GLI2: variants seen among roughly 807,000 people sequenced by gnomAD.
GLI2 encodes the protein transcription activator GLI2.
In GLI2, 22 loss-of-function variants were observed where a neutral mutation model predicts 78.9. The ratio of observed to expected loss-of-function variants is 0.28; its 90% CI spans 0.20 to 0.40. The LOEUF (loss-of-function observed/expected upper bound fraction) is 0.40. Among genes scored for constraint, GLI2 ranks in the 10% least tolerant of loss-of-function variants. The pLI is 1.00. For synonymous variants in GLI2, 974 were observed against 963.7 expected (o/e 1.01, Z -0.20); for missense variants, 2,097 against 2,213.2 (o/e 0.95, Z 1.05).
chr2:120,923,380 A>G (rs971450986), intron 2 of GLI2, among the ~76,000 whole-genome samples: 5 of 152,126 alleles, frequency 3.3e-5, no homozygotes, highest in African/African-American at 1.2e-4. Context: ...GCATATACAC[A>G]CAGCAACACA....
intron 12 of GLI2, 122 bp downstream of exon 12, chr2:120,984,865 C>T (rs1682898917): frequency 1.0e-6 from 1 of 994,068 alleles, no homozygotes; most frequent in East Asian, 2.6e-5. Context: ...CGATATCCCT[C>T]CTCTCTCCAA....
intron 1 of GLI2, among the ~76,000 whole-genome samples, chr2:120,740,228 A>C (rs964394680): frequency 2.6e-5 from 4 of 152,364 alleles, no homozygotes; most frequent in African/African-American, 9.6e-5. Context: ...CTTTCTGTGC[A>C]TTTAATATCT....
At chr2:120,940,764 T>C (rs1045925210) in intron 3 of GLI2, among the ~76,000 whole-genome samples, 2 of 152,264 alleles carry the variant, frequency 1.3e-5, no homozygotes, top group Non-Finnish European at 2.9e-5. Flanking sequence ...CACCATGGCT[T>C]CATGGGCACT....
At chr2:120,875,655 T>C (rs999340973) in intron 2 of GLI2, among the ~76,000 whole-genome samples, 1 of 152,214 alleles carries the variant, frequency 6.6e-6, no homozygotes, top group African/African-American at 2.4e-5. Context: ...AGGACACCCT[T>C]GCGTGTGTTA....
intron 2 of GLI2, among the ~76,000 whole-genome samples, chr2:120,925,169 G>T (rs1185593262): frequency 6.6e-6 from 1 of 152,234 alleles, no homozygotes; most frequent in Non-Finnish European, 1.5e-5. Flanking sequence ...GCACTTGGTG[G>T]CTCTGGAAGT....
chr2:120,878,321 A>G (rs1204472846), intron 2 of GLI2, among the ~76,000 whole-genome samples: 1 of 152,256 alleles, frequency 6.6e-6, no homozygotes, highest in Non-Finnish European at 1.5e-5. Context: ...TAATGGCTCT[A>G]ACTGAGGAAG....
At chr2:120,786,595 G>A (rs1456538908) in intron 1 of GLI2, among the ~76,000 whole-genome samples, 1 of 152,174 alleles carries the variant, frequency 6.6e-6, no homozygotes, top group East Asian at 1.9e-4. Flanking sequence ...GAGCTCAGCA[G>A]GTACCCAGTT....
intron 1 of GLI2, among the ~76,000 whole-genome samples, chr2:120,748,513 G>A (rs1442636926): frequency 6.6e-6 from 1 of 152,184 alleles, no homozygotes; most frequent in Non-Finnish European, 1.5e-5. Context: ...CATTTCTGGG[G>A]CCTCTGGTAT....
chr2:120,837,595 T>G (rs1392859242), intron 2 of GLI2, among the ~76,000 whole-genome samples: 1 of 152,180 alleles, frequency 6.6e-6, no homozygotes, highest in Non-Finnish European at 1.5e-5. Context: ...CTTGAGGTCA[T>G]ACGGCTATTC....
chr2:120,914,066 G>T (rs955808950), intron 2 of GLI2, among the ~76,000 whole-genome samples: 1 of 152,248 alleles, frequency 6.6e-6, no homozygotes, highest in East Asian at 1.9e-4. Flanking sequence ...ACACCTTCAC[G>T]ACCCGTGGGG....
rs140503048 is a variant in GLI2 at position 120,737,888 on chromosome 2, G to T, written c.-31+1603G>T. The stretch of plus-strand genomic sequence containing the variant: ...AAATCCAAAATATACAGCGGGGAAA[G>T]CGGAGGAATAGGCGGGTTTGTCACA... On this transcript the variant is annotated intron_variant, in intron 1 of 13. Transcript: ENST00000361492. This position sits in a 1 kb window ranked among gnomAD's most constrained non-coding sequence, Gnocchi z 4.3. Among the ~76,000 whole-genome samples the T allele has an allele frequency of 6.6e-5, 10 of 152,372 alleles. No individual in the cohort carries two copies. Among genetic ancestry groups the T allele is most frequent in the African/African-American group, 1.2e-4 (5 of 41,598 alleles).
intron 2 of GLI2, among the ~76,000 whole-genome samples, chr2:120,878,750 A>G (rs1174489243): frequency 6.6e-6 from 1 of 151,896 alleles, no homozygotes; most frequent in Non-Finnish European, 1.5e-5. Context: ...TGGCTAACAC[A>G]GTGAAACCCC....
chr2:120,755,956 G>A (rs1320573295), intron 1 of GLI2, among the ~76,000 whole-genome samples: 1 of 152,186 alleles, frequency 6.6e-6, no homozygotes, highest in African/African-American at 2.4e-5. Context: ...GACAGTGACA[G>A]CACACTTTCT....
intron 3 of GLI2, among the ~76,000 whole-genome samples, chr2:120,947,406 G>T (rs1354069768): frequency 6.6e-6 from 1 of 152,290 alleles, no homozygotes; most frequent in East Asian, 1.9e-4. Context: ...GTGCCCCACC[G>T]ATGGCTGGCA....
At chr2:120,752,570 T>C (rs913837104) in intron 1 of GLI2, among the ~76,000 whole-genome samples, 3 of 152,072 alleles carry the variant, frequency 2.0e-5, no homozygotes, top group Non-Finnish European at 2.9e-5. Context: ...CACCTGGCCC[T>C]ATCTTTAATT....
At chr2:120,787,296 C>G (rs1468995334) in intron 1 of GLI2, among the ~76,000 whole-genome samples, 1 of 152,192 alleles carries the variant, frequency 6.6e-6, no homozygotes, top group Non-Finnish European at 1.5e-5. Context: ...GGCCTTGGGG[C>G]CATGACAGCG....
At chr2:120,960,192 G>A (rs766874972) in intron 5 of GLI2, among the ~76,000 whole-genome samples, 23 of 152,322 alleles carry the variant, frequency 1.5e-4, no homozygotes, top group Admixed American at 2.6e-4. Flanking sequence ...GAGCTCCAGC[G>A]CAGCCCTGTG....
At chr2:120,865,156 C>T (rs1439816221) in intron 2 of GLI2, among the ~76,000 whole-genome samples, 2 of 152,156 alleles carry the variant, frequency 1.3e-5, no homozygotes, top group African/African-American at 2.4e-5. Context: ...GCTGACTAAA[C>T]GTGGCTCGAG....
chr2:120,852,660 C>T (rs867059903), intron 2 of GLI2, among the ~76,000 whole-genome samples: 5 of 152,236 alleles, frequency 3.3e-5, no homozygotes, highest in African/African-American at 1.2e-4. Context: ...CCTGCCTCCC[C>T]AGCCCACTTT....
Sources: gnomAD v4.1 joint callset for allele counts (sites outside exome capture counted in the v4.1 genomes callset) on GRCh38, gnomAD v4.1.1 for gene constraint, Gnocchi (gnomAD v3.1) non-coding constraint, MANE v1.5 for transcripts, NCBI Gene and HGNC (gene_info 2026-07-23, HGNC 2026-07-21) for gene names.